Variants in USP43 observed in about 807,000 individuals in gnomAD.
USP43 encodes the protein ubiquitin carboxyl-terminal hydrolase 43.
In USP43, 33 loss-of-function variants were observed where a neutral mutation model predicts 90.7. That is an observed-to-expected ratio of 0.36 (90% CI 0.28 to 0.49). The LOEUF is 0.49. USP43 is among the 20% of genes least tolerant of loss of function. USP43 has a pLI of 0.98. For missense variants in USP43, 1,274 were observed against 1,476.4 expected, an observed-to-expected ratio of 0.86 and a Z score of 2.25; for synonymous variants, 598 against 615.8, an observed-to-expected ratio of 0.97 and a Z score of 0.43.
At chr17:9,663,899 A>G (rs1912823283) in intron 2 of USP43, among the ~76,000 whole-genome samples, 1 of 152,184 alleles carries the variant, frequency 6.6e-6, no homozygotes, top group Admixed American at 6.5e-5. Flanking sequence ...TGCTGGGATT[A>G]CAGGTGTCAG....
At chr17:9,683,445 G>A (rs1352117007) in intron 7 of USP43, among the ~76,000 whole-genome samples, 1 of 151,234 alleles carries the variant, frequency 6.6e-6, no homozygotes, top group Admixed American at 6.6e-5. Context: ...ATATTTAGAT[G>A]GATAAAATGT....
rs758163529 is a variant in USP43 at position 9,700,248 on chromosome 17, C to T, written c.1534C>T (p.Arg512Cys). Residue 512 changes from arginine to cysteine, a missense_variant and splice_region_variant, in exon 10 of 15, where the codon CGC (arginine) becomes TGC (cysteine). Coordinates refer to ENST00000285199, the MANE Select transcript of USP43 (RefSeq NM_153210.5). ...GGAGTGGGATAGCTCTGTCAAGGAG[C>T]GGTGAGTTCAAGGGAATTTGCCACC... is the stretch of plus-strand genomic sequence containing the variant. ...AVEWDSSVKE[R>C]LFGSLQEERA... 40 of 1,594,520 alleles carry T rather than the reference C, an allele frequency of 2.5e-5. No individual in the cohort carries two copies. Among genetic ancestry groups the T allele is most frequent in the Middle Eastern group, 1.7e-4 (1 of 6,060 alleles).
At chr17:9,710,157 C>A in intron 13 of USP43, 43 bp downstream of exon 13, 3 of 1,387,304 alleles carry the variant, frequency 2.2e-6, no homozygotes, top group South Asian at 3.9e-5. Flanking sequence ...GTGGGGAAGT[C>A]ACTTTAAGAA....
chr17:9,687,503 T>C (rs886140056), intron 8 of USP43, among the ~76,000 whole-genome samples: 19 of 152,200 alleles, frequency 1.2e-4, no homozygotes, highest in Admixed American at 1.3e-4. Flanking sequence ...CTCAGATTGG[T>C]AGTTTCCAAA....
At chr17:9,692,640 GAAT>G (rs1454121846) in intron 8 of USP43, among the ~76,000 whole-genome samples, 1 of 152,056 alleles carries the variant, frequency 6.6e-6, no homozygotes, top group African/African-American at 2.4e-5. Context: ...ACATATCTTA[GAAT>G]AATAACTAAG....
chr17:9,645,875 C>G lies in USP43; in HGVS notation c.243C>G (p.Pro81=). Residue 81 remains proline, a synonymous_variant, in exon 1 of 15, where the codon CCC becomes CCG. Coordinates refer to ENST00000285199, the MANE Select transcript of USP43 (RefSeq NM_153210.5). This position sits in a 1 kb window ranked among gnomAD's most constrained non-coding sequence, Gnocchi z 6.8. The part of the protein sequence containing the change: ...APGSPGEERP[P]GPQPQLQLPA... ...GGAGCCCCGGGGAGGAACGCCCGCC[C>G]GGACCCCAGCCCCAGCTCCAGCTCC... The G allele has an allele frequency of 7.0e-7, 1 of 1,430,430 alleles. No individual in the cohort carries two copies. The highest frequency in any genetic ancestry group is 9.1e-7 in the Non-Finnish European group (1 of 1,098,138). 88.6% of individuals were successfully genotyped at this position (1,430,430 alleles called of 1,614,324 possible).
At chr17:9,712,982 G>A (rs143169946) in intron 14 of USP43, among the ~76,000 whole-genome samples, 2 of 152,140 alleles carry the variant, frequency 1.3e-5, no homozygotes, top group African/African-American at 4.8e-5. Flanking sequence ...TCTTTGTGAC[G>A]GGAACATTTC....
intron 8 of USP43, among the ~76,000 whole-genome samples, chr17:9,688,025 G>T (rs566276768): frequency 3.3e-5 from 5 of 151,584 alleles, no homozygotes; most frequent in Middle Eastern, 3.4e-3. Context: ...TCACTCTGTC[G>T]CCCAGGCTGG....
In USP43 at chr17:9,686,429, A is replaced by G. The variant is rs1276621376; in HGVS notation, c.1242-369A>G. 6.6e-6 allele frequency among the ~76,000 whole-genome samples: 1 copy of G among 152,152 alleles called. No homozygotes were observed. The highest frequency in any genetic ancestry group is 1.5e-5 in the Non-Finnish European group (1 of 68,022). On this transcript the variant is annotated intron_variant, in intron 7 of 14. Transcript: ENST00000285199. The surrounding 1 kb of genome is among the most constrained non-coding windows in gnomAD (Gnocchi z 5.5). ...GTGTCTCCATTCCCACCAACAGTGT[A>G]TAAGAGTTCCCTTTTCTCCATATCC...
At chr17:9,717,107 TA>T (rs1177036779) in intron 14 of USP43, among the ~76,000 whole-genome samples, 1 of 140,450 alleles carries the variant, frequency 7.1e-6, no homozygotes, top group Non-Finnish European at 1.5e-5. Flanking sequence ...TGCAATGAGC[TA>T]AGATGGTGCC....
At chr17:9,688,078 CG>C (rs1158911147) in intron 8 of USP43, among the ~76,000 whole-genome samples, 2 of 151,982 alleles carry the variant, frequency 1.3e-5, no homozygotes, top group Non-Finnish European at 2.9e-5. Flanking sequence ...CTCCGCCTCC[CG>C]GGTTCACGCC....
At chr17:9,718,319 T>A in intron 14 of USP43, among the ~76,000 whole-genome samples, 1 of 152,214 alleles carries the variant, frequency 6.6e-6, no homozygotes, top group African/African-American at 2.4e-5. Context: ...ACACCAGGCA[T>A]GTACCAGACT....
chr17:9,695,380 C>T (rs184295961), intron 9 of USP43, among the ~76,000 whole-genome samples: 17 of 152,184 alleles, frequency 1.1e-4, no homozygotes, highest in African/African-American at 3.6e-4. Context: ...GTTACCTAGG[C>T]TGGAGTGCAA....
At chr17:9,662,353 C>T (rs532961174) in intron 2 of USP43, among the ~76,000 whole-genome samples, 2 of 152,200 alleles carry the variant, frequency 1.3e-5, no homozygotes, top group Non-Finnish European at 2.9e-5. Flanking sequence ...CCCTATTTGT[C>T]ATGAATGTCT....
At chr17:9,677,948 C>T (rs1038049904) in intron 5 of USP43, among the ~76,000 whole-genome samples, 15 of 152,154 alleles carry the variant, frequency 9.9e-5, no homozygotes, top group South Asian at 2.1e-4. Context: ...TGACCTCTAT[C>T]GCTACCTCAT....
chr17:9,718,688 A>G (rs1281129598), intron 14 of USP43, among the ~76,000 whole-genome samples: 1 of 151,936 alleles, frequency 6.6e-6, no homozygotes. Context: ...TAAAAATACA[A>G]AATTAGCCGG....
chr17:9,713,620 G>T (rs956421299), intron 14 of USP43, among the ~76,000 whole-genome samples: 2 of 152,136 alleles, frequency 1.3e-5, no homozygotes, highest in Non-Finnish European at 2.9e-5. Flanking sequence ...AGACTAACAT[G>T]GTTATATCCA....
intron 8 of USP43, among the ~76,000 whole-genome samples, chr17:9,690,108 G>A (rs1182596971): frequency 1.3e-5 from 2 of 152,112 alleles, no homozygotes; most frequent in Non-Finnish European, 2.9e-5. Flanking sequence ...CCTTGTGGCC[G>A]ATGCTCCCTG....
At chr17:9,694,433 C>T (rs1915138937) in intron 9 of USP43, among the ~76,000 whole-genome samples, 2 of 152,170 alleles carry the variant, frequency 1.3e-5, no homozygotes, top group Admixed American at 1.3e-4. Context: ...GTTCTGTAGA[C>T]TGCCAGCCTG....
Sources: gnomAD v4.1 joint callset for allele counts (sites outside exome capture counted in the v4.1 genomes callset) on GRCh38, gnomAD v4.1.1 for gene constraint, Gnocchi (gnomAD v3.1) non-coding constraint, MANE v1.5 for transcripts, NCBI Gene and HGNC (gene_info 2026-07-23, HGNC 2026-07-21) for gene names.